The following SMAD3 variants were observed in gnomAD, a reference collection of about 807,000 sequenced individuals.
SMAD3 encodes SMAD family member 3.
In SMAD3, 12 loss-of-function variants were observed where a neutral mutation model predicts 51.8. The ratio of observed to expected loss-of-function variants is 0.23; its 90% confidence interval spans 0.15 to 0.38. SMAD3 has a LOEUF of 0.38. Ranked by LOEUF, SMAD3 falls within the 10% of genes least tolerant of loss-of-function variation. SMAD3 has a pLI of 1.00. For missense variants in SMAD3, 294 were observed against 565.6 expected (o/e 0.52, Z 4.87); for synonymous variants, 238 against 227.7 (o/e 1.05, Z -0.41).
rs377026877 is a variant in SMAD3, at chr15:67,165,292, C to T, written c.440C>T (p.Pro147Leu). The T allele has an allele frequency of 2.3e-5, 37 of 1,614,084 alleles. No homozygotes were observed. Among genetic ancestry groups the T allele is most frequent in the African/African-American group, 5.3e-5 (4 of 74,924 alleles). The part of the protein sequence containing the change: ...PVLVPRHTEI[P>L]AEFPPLDDYS... ...TTGGTGCCACGCCACACAGAGATCC[C>T]GGCCGAGTTCCCCCCACTGGACGAC... Residue 147 changes from proline to leucine, a missense_variant, in exon 3 of 9, where the codon CCG becomes CTG. Coordinates refer to ENST00000327367, the MANE Select transcript of SMAD3 (RefSeq NM_005902.4).
chr15:67,101,843 G>A (rs745965576), intron 1 of SMAD3, among the ~76,000 whole-genome samples: 2 of 152,212 alleles, frequency 1.3e-5, no homozygotes, highest in Non-Finnish European at 2.9e-5. Context: ...GATGATGGAC[G>A]TTAAAGTGCT....
chr15:67,186,064 A>G (rs1309610202), intron 7 of SMAD3, among the ~76,000 whole-genome samples: 2 of 152,258 alleles, frequency 1.3e-5, no homozygotes, highest in Non-Finnish European at 2.9e-5. Flanking sequence ...GACCTCATTT[A>G]GTCCTCACCA....
At chr15:67,164,053 T>G (rs1962504531) in intron 1 of SMAD3, among the ~76,000 whole-genome samples, 2 of 151,398 alleles carry the variant, frequency 1.3e-5, no homozygotes, top group Non-Finnish European at 2.9e-5. Flanking sequence ...GGTTCACGCC[T>G]GAAATCCCAG....
chr15:67,181,550 C>G, intron 6 of SMAD3, 97 bp downstream of exon 6: 1 of 1,037,726 alleles, frequency 9.6e-7, no homozygotes, highest in South Asian at 1.4e-5. Context: ...TGAAGGGAAC[C>G]TTGCGTCCAT....
chr15:67,077,967 T>G (rs192031384), intron 1 of SMAD3: 2 of 152,348 alleles, frequency 1.3e-5, no homozygotes, highest in Admixed American at 6.5e-5. Flanking sequence ...AAGCCACCAC[T>G]CTATCGTTTC....
chr15:67,118,151 G>T (rs1016381402), intron 1 of SMAD3, among the ~76,000 whole-genome samples: 16 of 152,218 alleles, frequency 1.1e-4, no homozygotes, highest in Non-Finnish European at 1.9e-4. Context: ...GTTGGGTGCT[G>T]CCTGGCACAG....
chr15:67,168,551 A>G (rs895415381), intron 4 of SMAD3, among the ~76,000 whole-genome samples: 16 of 152,134 alleles, frequency 1.1e-4, no homozygotes, highest in Non-Finnish European at 1.3e-4. Context: ...GCTGCTCTCC[A>G]TATTTGCACA....
intron 1 of SMAD3, among the ~76,000 whole-genome samples, chr15:67,159,825 A>G (rs1160718041): frequency 6.6e-6 from 1 of 152,228 alleles, no homozygotes; most frequent in Admixed American, 6.5e-5. Context: ...TCATTAATTT[A>G]GATTCATTCA....
At chr15:67,104,867 GTTC>G (rs1285388513) in intron 1 of SMAD3, among the ~76,000 whole-genome samples, 2 of 152,364 alleles carry the variant, frequency 1.3e-5, no homozygotes, top group East Asian at 1.9e-4. Flanking sequence ...CTGGGATCCA[GTTC>G]TTCTCCCCCT....
intron 1 of SMAD3, among the ~76,000 whole-genome samples, chr15:67,079,249 A>G (rs1376628862): frequency 6.6e-6 from 1 of 152,110 alleles, no homozygotes; most frequent in Non-Finnish European, 1.5e-5. Flanking sequence ...AATTGCTGGG[A>G]TTGCAGGTGT....
intron 1 of SMAD3, among the ~76,000 whole-genome samples, chr15:67,097,409 TTTG>T (rs767957397): frequency 3.9e-5 from 6 of 152,012 alleles, no homozygotes; most frequent in African/African-American, 9.7e-5. Context: ...GTTGTTGTTT[TTTG>T]TTGTTGTTTT....
intron 1 of SMAD3, among the ~76,000 whole-genome samples, chr15:67,076,079 C>T (rs980705689): frequency 5.3e-5 from 8 of 152,146 alleles, no homozygotes; most frequent in African/African-American, 1.4e-4. Flanking sequence ...CTTCCCATCC[C>T]GACACACTTG....
At chr15:67,141,907 G>A (rs538102783) in intron 1 of SMAD3, among the ~76,000 whole-genome samples, 83 of 152,248 alleles carry the variant, frequency 5.5e-4, no homozygotes, top group Non-Finnish European at 9.6e-4. Flanking sequence ...ATGAGGTGGG[G>A]TGGTATGGGG....
At chr15:67,139,935 A>G (rs1961773354) in intron 1 of SMAD3, among the ~76,000 whole-genome samples, 1 of 142,876 alleles carries the variant, frequency 7.0e-6, no homozygotes, top group South Asian at 2.5e-4. Context: ...CCTGACCAAC[A>G]TGACGAAACC....
At chr15:67,145,024 C>T (rs1261028393) in intron 1 of SMAD3, among the ~76,000 whole-genome samples, 1 of 152,116 alleles carries the variant, frequency 6.6e-6, no homozygotes, top group Non-Finnish European at 1.5e-5. Context: ...AATTTCTTCC[C>T]CAGCCAGAGA....
At chr15:67,181,764 A>G (rs1963067195) in intron 6 of SMAD3, among the ~76,000 whole-genome samples, 1 of 150,978 alleles carries the variant, frequency 6.6e-6, no homozygotes, top group Non-Finnish European at 1.5e-5. Context: ...GGGAACGTCT[A>G]TGAGAAAGGC....
At chr15:67,104,993 C>T (rs1314394000) in intron 1 of SMAD3, among the ~76,000 whole-genome samples, 1 of 152,248 alleles carries the variant, frequency 6.6e-6, no homozygotes, top group Non-Finnish European at 1.5e-5. Context: ...TGGCTCTGCT[C>T]TTCCTTGTCT....
chr15:67,125,710 G>A (rs1161473610), intron 1 of SMAD3: 20 of 985,526 alleles, frequency 2.0e-5, no homozygotes, highest in Non-Finnish European at 2.3e-5. Flanking sequence ...GGGAGCAAAC[G>A]GCCTGAAATA....
intron 1 of SMAD3, among the ~76,000 whole-genome samples, chr15:67,151,139 G>GGT (rs1962130530): frequency 6.6e-6 from 1 of 151,568 alleles, no homozygotes; most frequent in Non-Finnish European, 1.5e-5. Flanking sequence ...GATTACAGAC[G>GGT]TGAGCCACCA....
Sources: gnomAD v4.1 joint callset for allele counts (sites outside exome capture counted in the v4.1 genomes callset) on GRCh38, gnomAD v4.1.1 for gene constraint, MANE v1.5 for transcripts, NCBI Gene and HGNC (gene_info 2026-07-23, HGNC 2026-07-21) for gene names.